Variants in GPC6 observed in about 807,000 individuals in gnomAD.
GPC6 encodes the protein glypican 6.
Under a neutral mutation model 55.2 loss-of-function variants are expected in GPC6, and 14 were observed. The observed-to-expected ratio is 0.25, with a 90% CI of 0.17 to 0.40. The LOEUF (loss-of-function observed/expected upper bound fraction) is 0.40, where lower values mean the gene tolerates loss of function less well. Among genes scored for constraint, GPC6 ranks in the 10% least tolerant of loss-of-function variants. The pLI is 1.00. For missense variants in GPC6, 641 were observed against 708.5 expected, an observed-to-expected ratio of 0.90 and a Z score of 1.08; for synonymous variants, 278 against 259.6, an observed-to-expected ratio of 1.07 and a Z score of -0.68.
chr13:94,297,295 A>T (rs1374234390), intron 5 of GPC6, among the ~76,000 whole-genome samples: 1 of 152,168 alleles, frequency 6.6e-6, no homozygotes, highest in African/African-American at 2.4e-5. Context: ...TATTTGTTGA[A>T]TCGTAGGTGG....
chr13:93,600,387 G>A (rs7324058), intron 2 of GPC6, among the ~76,000 whole-genome samples: 10,865 of 152,146 alleles, frequency 0.071, 1,366 homozygotes, highest in African/African-American at 0.25. Context: ...AATTGTATGT[G>A]GAGAAGAAAT....
At chr13:94,379,657 T>C (rs951086708) in intron 6 of GPC6, among the ~76,000 whole-genome samples, 2 of 152,204 alleles carry the variant, frequency 1.3e-5, no homozygotes, top group Non-Finnish European at 2.9e-5. Context: ...CAACATTTAT[T>C]GAGCATGTAC....
intron 1 of GPC6, among the ~76,000 whole-genome samples, chr13:93,527,659 C>T (rs1397380611): frequency 6.6e-6 from 1 of 151,990 alleles, no homozygotes; most frequent in Non-Finnish European, 1.5e-5. Context: ...AGACCTCTTG[C>T]CCTTTATTAA....
chr13:93,971,919 G>A (rs935093548), intron 3 of GPC6, among the ~76,000 whole-genome samples: 4 of 152,200 alleles, frequency 2.6e-5, no homozygotes, highest in South Asian at 2.1e-4. Flanking sequence ...ACTTGACAAA[G>A]CTAGGCTCAC....
chr13:93,740,514 A>G (rs1201970948), intron 2 of GPC6, among the ~76,000 whole-genome samples: 2 of 152,222 alleles, frequency 1.3e-5, no homozygotes, highest in African/African-American at 4.8e-5. Flanking sequence ...GGAGGAATTC[A>G]AAACATGATC....
intron 2 of GPC6, among the ~76,000 whole-genome samples, chr13:93,797,592 G>T (rs1278772207): frequency 1.3e-5 from 2 of 152,178 alleles, no homozygotes; most frequent in Non-Finnish European, 2.9e-5. Flanking sequence ...ATAAGGAAGT[G>T]GCTCTTTTGT....
intron 3 of GPC6, among the ~76,000 whole-genome samples, chr13:93,885,241 G>A (rs1004774077): frequency 1.3e-5 from 2 of 150,922 alleles, no homozygotes; most frequent in African/African-American, 2.4e-5. Flanking sequence ...GATCCAGCAA[G>A]CTTCCTTCTA....
intron 4 of GPC6, among the ~76,000 whole-genome samples, chr13:94,271,094 C>T (rs1891991202): frequency 6.8e-6 from 1 of 147,352 alleles, no homozygotes; most frequent in Admixed American, 7.0e-5. Flanking sequence ...AGGTTCATGC[C>T]ATTCTCCTGC....
intron 1 of GPC6, among the ~76,000 whole-genome samples, chr13:93,359,629 G>T (rs1026328018): frequency 1.3e-5 from 2 of 152,154 alleles, no homozygotes; most frequent in African/African-American, 4.8e-5. Context: ...ATTTTAAAAT[G>T]CTTTTGAAAC....
chr13:93,870,658 T>C (rs1889102716), intron 3 of GPC6, among the ~76,000 whole-genome samples: 1 of 151,726 alleles, frequency 6.6e-6, no homozygotes, highest in African/African-American at 2.4e-5. Flanking sequence ...TTAGGGTTAG[T>C]CCAAATCCAA....
At chr13:94,077,646 T>C (rs1353644346) in intron 4 of GPC6, among the ~76,000 whole-genome samples, 1 of 151,874 alleles carries the variant, frequency 6.6e-6, no homozygotes, top group African/African-American at 2.4e-5. Context: ...ACATTTCTTC[T>C]ATACCCAGTT....
chr13:93,802,279 T>C (rs1289322516), intron 2 of GPC6, among the ~76,000 whole-genome samples: 2 of 152,334 alleles, frequency 1.3e-5, no homozygotes, highest in South Asian at 2.1e-4. Context: ...TGCTTTGTTC[T>C]GTAATAACTG....
intron 1 of GPC6, among the ~76,000 whole-genome samples, chr13:93,242,027 C>T (rs1876448747): frequency 6.6e-6 from 1 of 152,084 alleles, no homozygotes. Flanking sequence ...TCCTGTGGTG[C>T]TGGAATGGCA....
intron 4 of GPC6, among the ~76,000 whole-genome samples, chr13:94,071,696 G>T (rs1226636230): frequency 6.6e-6 from 1 of 152,138 alleles, no homozygotes; most frequent in Non-Finnish European, 1.5e-5. Flanking sequence ...GAGTGCTTCT[G>T]GTTCAGAAAA....
At chr13:93,364,196 A>G (rs1207468515) in intron 1 of GPC6, among the ~76,000 whole-genome samples, 1 of 152,082 alleles carries the variant, frequency 6.6e-6, no homozygotes, top group Admixed American at 6.6e-5. Context: ...TGTTTTAGAC[A>G]TGAAGTCCTT....
chr13:93,333,460 A>C (rs1879924266), intron 1 of GPC6, among the ~76,000 whole-genome samples: 1 of 148,988 alleles, frequency 6.7e-6, no homozygotes, highest in Non-Finnish European at 1.5e-5. Flanking sequence ...TTTTGTAACT[A>C]TTGTAAATGG....
At chr13:94,045,206 A>T (rs1476707596) in intron 4 of GPC6, among the ~76,000 whole-genome samples, 1 of 151,916 alleles carries the variant, frequency 6.6e-6, no homozygotes, top group Non-Finnish European at 1.5e-5. Flanking sequence ...AACAGCAATT[A>T]TGGAAAAGTA....
chr13:93,712,149 C>G (rs1371811309), intron 2 of GPC6, among the ~76,000 whole-genome samples: 1 of 151,740 alleles, frequency 6.6e-6, no homozygotes, highest in Non-Finnish European at 1.5e-5. Context: ...GTAGTCCGCT[C>G]TATCATGTCT....
intron 4 of GPC6, among the ~76,000 whole-genome samples, chr13:94,185,856 C>G (rs1284863473): frequency 1.3e-5 from 2 of 151,758 alleles, no homozygotes; most frequent in Non-Finnish European, 2.9e-5. Context: ...GTCAGGAGAT[C>G]AAGACCATCC....
Sources: gnomAD v4.1 joint callset for allele counts (sites outside exome capture counted in the v4.1 genomes callset) on GRCh38, gnomAD v4.1.1 for gene constraint, MANE v1.5 for transcripts, NCBI Gene and HGNC (gene_info 2026-07-23, HGNC 2026-07-21) for gene names.